The following KCNH7 variants were observed in gnomAD, a reference collection of about 807,000 sequenced individuals.
KCNH7 encodes the protein potassium voltage-gated channel subfamily H member 7.
A neutral mutation model predicts 120.8 loss-of-function variants in KCNH7; 49 were observed. That is an observed-to-expected ratio of 0.41 (90% CI 0.32 to 0.51). The LOEUF (loss-of-function observed/expected upper bound fraction) is 0.51. KCNH7 is among the 20% of genes least tolerant of loss of function. KCNH7 has a pLI of 0.38. For missense variants in KCNH7, 1,097 were observed against 1,446.6 expected (o/e 0.76, Z 3.92); for synonymous variants, 547 against 516.1 (o/e 1.06, Z -0.81).
At chr2:162,432,003 T>C (rs1195634072) in intron 8 of KCNH7, among the ~76,000 whole-genome samples, 3 of 151,900 alleles carry the variant, frequency 2.0e-5, no homozygotes, top group Non-Finnish European at 4.4e-5. Flanking sequence ...GATTACTGAG[T>C]GGTGAACTGG....
At chr2:162,563,543 T>A (rs1693146683) in intron 2 of KCNH7, among the ~76,000 whole-genome samples, 1 of 152,210 alleles carries the variant, frequency 6.6e-6, no homozygotes, top group South Asian at 2.1e-4. Flanking sequence ...GCCTATCAGA[T>A]AAAGAATGCC....
intron 9 of KCNH7, among the ~76,000 whole-genome samples, chr2:162,402,414 T>C (rs757204202): frequency 4.1e-5 from 6 of 146,898 alleles, no homozygotes; most frequent in Non-Finnish European, 6.1e-5. Flanking sequence ...TTTTAGAGTG[T>C]TGTGGCCAAA....
At chr2:162,609,083 T>C (rs942130851) in intron 2 of KCNH7, among the ~76,000 whole-genome samples, 1 of 152,116 alleles carries the variant, frequency 6.6e-6, no homozygotes, top group African/African-American at 2.4e-5. Flanking sequence ...TTCACGCAGT[T>C]TTCAAGGTTT....
chr2:162,424,855 G>A (rs1687809784), intron 8 of KCNH7, among the ~76,000 whole-genome samples: 1 of 152,206 alleles, frequency 6.6e-6, no homozygotes, highest in African/African-American at 2.4e-5. Flanking sequence ...GGGGATGAAA[G>A]TTGGGGAGAT....
At chr2:162,444,910 G>A (rs1406897350) in intron 7 of KCNH7, among the ~76,000 whole-genome samples, 1 of 151,536 alleles carries the variant, frequency 6.6e-6, no homozygotes, top group Non-Finnish European at 1.5e-5. Flanking sequence ...TCTCATTAGA[G>A]TCTCAAATTA....
At chr2:162,388,779 G>A (rs1460720045) in intron 12 of KCNH7, among the ~76,000 whole-genome samples, 1 of 151,856 alleles carries the variant, frequency 6.6e-6, no homozygotes, top group African/African-American at 2.4e-5. Context: ...CTGGCTTTTG[G>A]ATGGCAATGG....
chr2:162,613,635 T>C (rs572170149), intron 2 of KCNH7, among the ~76,000 whole-genome samples: 106 of 152,152 alleles, frequency 7.0e-4, no homozygotes, highest in Admixed American at 4.1e-3. Flanking sequence ...AACTTTTTTT[T>C]TCTCTAAAGG....
Position 162,444,549 on chromosome 2 carries a change from G to T in KCNH7, c.1554+1469C>A, listed in dbSNP as rs1409461404. ...GGGGGTAACACTTACATTATGTCCA[G>T]AATTTTTAGTGCATTTTAAAATTCA... On this transcript the variant is annotated intron_variant, in intron 7 of 15. Transcript: ENST00000332142. Among the ~76,000 whole-genome samples, 4 of 152,164 alleles carry T rather than the reference G, an allele frequency of 2.6e-5. No homozygotes were observed. The East Asian group carries it at 7.7e-4, about 29-fold the overall frequency.
In KCNH7 at chr2:162,371,720, T is replaced by A. The variant is rs956010553; in HGVS notation, c.*109A>T. On this transcript the variant is annotated 3_prime_UTR_variant, in exon 16 of 16. Transcript: ENST00000332142. ...GGAAAATATACAGTACTTTTGCATA[T>A]AATGGTACCTTGTGAGCCCCTGAGT... 4 of 1,070,250 alleles carry A rather than the reference T, an allele frequency of 3.7e-6. No homozygotes were observed. The highest frequency in any genetic ancestry group is 5.3e-6 in the Non-Finnish European group (4 of 755,080). 66.3% of individuals were successfully genotyped at this position (1,070,250 alleles called of 1,614,324 possible).
intron 11 of KCNH7, among the ~76,000 whole-genome samples, chr2:162,395,530 A>C (rs1686886084): frequency 6.6e-6 from 1 of 151,710 alleles, no homozygotes; most frequent in African/African-American, 2.4e-5. Context: ...TTGAGTACTG[A>C]CTAAACTTTT....
chr2:162,792,471 G>A (rs943605640), intron 2 of KCNH7, among the ~76,000 whole-genome samples: 3 of 151,976 alleles, frequency 2.0e-5, no homozygotes, highest in Non-Finnish European at 4.4e-5. Context: ...CTTATTATTG[G>A]TCTGTTCAGG....
intron 2 of KCNH7, among the ~76,000 whole-genome samples, chr2:162,567,447 A>G (rs1439701437): frequency 6.6e-6 from 1 of 151,898 alleles, no homozygotes; most frequent in African/African-American, 2.4e-5. Flanking sequence ...GATTTTCTGT[A>G]CCCTTGCTAG....
In KCNH7 at chr2:162,441,513, G is replaced by A. The variant is rs1300824018; in HGVS notation, c.1554+4505C>T. The stretch of plus-strand genomic sequence containing the variant: ...GATTCAGAAAAAATAACGGTAAAGT[G>A]TGAAAGGAAAGGGGTCAATGAAGCA... On this transcript the variant is annotated intron_variant, in intron 7 of 15. Transcript: ENST00000332142. 2.0e-5 allele frequency among the ~76,000 whole-genome samples: 3 copies of A among 152,090 alleles called. No homozygotes were observed. In the East Asian group the frequency reaches 5.8e-4, roughly 29 times the overall value.
intron 2 of KCNH7, among the ~76,000 whole-genome samples, chr2:162,790,804 C>T (rs1683905876): frequency 6.6e-6 from 1 of 151,938 alleles, no homozygotes; most frequent in African/African-American, 2.4e-5. Context: ...AAAAACTCAA[C>T]AAATTAGATA....
Position 162,601,533 on chromosome 2 carries a change from C to T in KCNH7, c.308-64453G>A, listed in dbSNP as rs1464734948. 9.5e-5 allele frequency among the ~76,000 whole-genome samples: 14 copies of T among 147,144 alleles called. No homozygotes were observed. The Admixed American group carries it at 9.8e-4, about 10-fold the overall frequency. The stretch of plus-strand genomic sequence containing the variant: ...TCAATCTGTAGTTAAATGTCATGTT[C>T]CCTAACAAACTATAAAATTAATCTC... On this transcript the variant is annotated intron_variant, in intron 2 of 15. Transcript: ENST00000332142.
intron 2 of KCNH7, among the ~76,000 whole-genome samples, chr2:162,764,117 C>T (rs900682272): frequency 2.6e-5 from 4 of 152,002 alleles, no homozygotes; most frequent in African/African-American, 9.7e-5. Flanking sequence ...GTAAATATTT[C>T]CCAATAGTAT....
intron 2 of KCNH7, among the ~76,000 whole-genome samples, chr2:162,731,049 G>A (rs1420992980): frequency 6.6e-6 from 1 of 151,644 alleles, no homozygotes; most frequent in South Asian, 2.1e-4. Context: ...TTTCTTAAAT[G>A]AGATGCAAAA....
At chr2:162,666,448 T>C (rs1352039232) in intron 2 of KCNH7, among the ~76,000 whole-genome samples, 1 of 151,658 alleles carries the variant, frequency 6.6e-6, no homozygotes, top group Non-Finnish European at 1.5e-5. Flanking sequence ...TGTCCTTCTA[T>C]CTTCAAACTC....
chr2:162,762,754 C>T (rs1689010632), intron 2 of KCNH7, among the ~76,000 whole-genome samples: 1 of 151,914 alleles, frequency 6.6e-6, no homozygotes, highest in Non-Finnish European at 1.5e-5. Context: ...TATAATAACT[C>T]CTGTCTGCCC....
Sources: allele counts gnomAD v4.1 joint callset (sites outside exome capture counted in the v4.1 genomes callset), GRCh38; gene constraint gnomAD v4.1.1; transcripts MANE v1.5; gene names NCBI Gene and HGNC (gene_info 2026-07-23, HGNC 2026-07-21).